Variants in C13orf46 observed in about 807,000 individuals in gnomAD.
C13orf46 encodes chromosome 13 open reading frame 46.
At chr13:113,950,091 G>T, downstream of C13orf46, among the ~76,000 whole-genome samples, 1 of 100,342 alleles carries the variant, frequency 1.0e-5, no homozygotes, top group East Asian at 3.2e-4. Flanking sequence ...CATCTGTAGA[G>T]TGGGGTCATC....
intron 5 of C13orf46, among the ~76,000 whole-genome samples, chr13:113,966,712 T>C (rs1278576151): frequency 6.6e-6 from 1 of 151,888 alleles, no homozygotes; most frequent in East Asian, 1.9e-4. Flanking sequence ...ATAATGTTTA[T>C]GGGGATGATG....
At chr13:113,966,933 G>A (rs978538759) in intron 5 of C13orf46, among the ~76,000 whole-genome samples, 10 of 152,200 alleles carry the variant, frequency 6.6e-5, no homozygotes, top group Non-Finnish European at 1.2e-4. Context: ...TGAGGCACAG[G>A]GAAGTATGAT....
chr13:113,942,223 C>T, the C13orf46 span, among the ~76,000 whole-genome samples: 4 of 152,206 alleles, frequency 2.6e-5, no homozygotes, highest in African/African-American at 4.8e-5. Context: ...CTGCTGCTGT[C>T]GCCACTGGCC....
chr13:113,943,997 A>C, the C13orf46 span, among the ~76,000 whole-genome samples: 1 of 152,142 alleles, frequency 6.6e-6, no homozygotes, highest in Non-Finnish European at 1.5e-5. Flanking sequence ...CGGGACCTTC[A>C]GTATCCCGAC....
chr13:113,946,169 C>T, the C13orf46 span, among the ~76,000 whole-genome samples: 10 of 152,320 alleles, frequency 6.6e-5, no homozygotes, highest in Non-Finnish European at 1.0e-4. Context: ...GCTTTATTTG[C>T]GCCCCGCTGT....
chr13:113,972,536 C>T (rs768491470), intron 1 of C13orf46, among the ~76,000 whole-genome samples: 10 of 152,166 alleles, frequency 6.6e-5, no homozygotes, highest in Non-Finnish European at 1.3e-4. Flanking sequence ...CCGTGTCAGC[C>T]CCTCAGCCCT....
chr13:113,957,718 T>TGG (rs2052550813), intron 6 of C13orf46, among the ~76,000 whole-genome samples: 1 of 118,766 alleles, frequency 8.4e-6, no homozygotes, highest in Non-Finnish European at 1.7e-5. Context: ...TCAAGCACAC[T>TGG]GGGGGTCTCC....
the C13orf46 span, among the ~76,000 whole-genome samples, chr13:113,946,115 T>C: frequency 6.6e-6 from 1 of 152,116 alleles, no homozygotes; most frequent in African/African-American, 2.4e-5. Flanking sequence ...TTTTTATTGC[T>C]ATTGTACGAG....
At chr13:113,935,807 G>A in the C13orf46 span, among the ~76,000 whole-genome samples, 1 of 152,216 alleles carries the variant, frequency 6.6e-6, no homozygotes, top group East Asian at 1.9e-4. Flanking sequence ...TCCCAGATTA[G>A]GGTGCTTTAA....
chr13:113,970,782 TTA>T (rs1406578957), intron 1 of C13orf46, among the ~76,000 whole-genome samples: 1 of 152,036 alleles, frequency 6.6e-6, no homozygotes, highest in African/African-American at 2.4e-5. Flanking sequence ...CGGGACCACT[TTA>T]TGTCTCGTGA....
the C13orf46 span, among the ~76,000 whole-genome samples, chr13:113,936,726 G>C: frequency 6.6e-6 from 1 of 151,414 alleles, no homozygotes; most frequent in South Asian, 2.1e-4. Flanking sequence ...GACTGGTTGG[G>C]GGTGCAGTCG....
chr13:113,929,306 AGGT>A, the C13orf46 span, among the ~76,000 whole-genome samples: 4 of 152,362 alleles, frequency 2.6e-5, no homozygotes, highest in South Asian at 2.1e-4. Context: ...CCTGCAGAGC[AGGT>A]GGTGGTGGCT....
intron 6 of C13orf46, among the ~76,000 whole-genome samples, chr13:113,960,048 C>T (rs988675696): frequency 4.0e-5 from 6 of 151,882 alleles, no homozygotes; most frequent in Non-Finnish European, 7.4e-5. Context: ...GTCAGGAGAT[C>T]GAGACCATCC....
intron 4 of C13orf46, among the ~76,000 whole-genome samples, chr13:113,968,195 C>G (rs1437772936): frequency 1.3e-5 from 2 of 152,204 alleles, no homozygotes; most frequent in Non-Finnish European, 2.9e-5. Context: ...CAAGGTCAAG[C>G]TGAGGGCACC....
chr13:113,945,575 A>AAGAAAGAGAGAGAG, the C13orf46 span, among the ~76,000 whole-genome samples: 11 of 89,062 alleles, frequency 1.2e-4, no homozygotes, highest in South Asian at 4.2e-4. Context: ...GAAAGAAAGA[A>AAGAAAGAGAGAGAG]AGAGAGAGAG....
chr13:113,963,283 GCCCCTGTCCTCAGCTTCA>G (rs1352372820), intron 6 of C13orf46, among the ~76,000 whole-genome samples: 3 of 94,616 alleles, frequency 3.2e-5, no homozygotes, highest in Non-Finnish European at 6.8e-5. Context: ...CTCAGCCTCG[GCCCCTGTCCTCAGCTTCA>G]CCCCTGTCCT....
At chr13:113,929,127 G>A in the C13orf46 span, among the ~76,000 whole-genome samples, 2 of 152,376 alleles carry the variant, frequency 1.3e-5, no homozygotes, top group East Asian at 1.9e-4. Flanking sequence ...TCCCCAGGCC[G>A]TGTACAGACA....
chr13:113,942,759 C>T, the C13orf46 span, among the ~76,000 whole-genome samples: 1 of 152,202 alleles, frequency 6.6e-6, no homozygotes, highest in Non-Finnish European at 1.5e-5. Context: ...CTCCAGGCAG[C>T]GGAGGCGGCC....
chr13:113,933,257 A>C, the C13orf46 span, among the ~76,000 whole-genome samples: 20 of 152,348 alleles, frequency 1.3e-4, no homozygotes, highest in African/African-American at 4.6e-4. Flanking sequence ...ATGACCCAGC[A>C]TTCCTTGTGG....
Sources: allele counts gnomAD v4.1 joint callset (sites outside exome capture counted in the v4.1 genomes callset), GRCh38; gene constraint gnomAD v4.1.1; transcripts MANE v1.5; gene names NCBI Gene and HGNC (gene_info 2026-07-23, HGNC 2026-07-21).